SGCZ: variants seen among roughly 807,000 people sequenced by gnomAD.
SGCZ encodes the protein sarcoglycan zeta.
A neutral mutation model predicts 41.3 loss-of-function variants in SGCZ; 40 were observed. The ratio of observed to expected loss-of-function variants is 0.97; its 90% CI spans 0.75 to 1.26. SGCZ has a LOEUF of 1.26. Among genes scored for constraint, SGCZ ranks in the 50% most tolerant of loss-of-function variants. The pLI is 0.00. For synonymous variants in SGCZ, 206 were observed against 137.5 expected, an observed-to-expected ratio of 1.50 and a Z score of -3.49; for missense variants, 552 against 369.8, an observed-to-expected ratio of 1.49 and a Z score of -4.04.
At chr8:14,977,415 C>T (rs1162497712) in intron 1 of SGCZ, among the ~76,000 whole-genome samples, 1 of 152,184 alleles carries the variant, frequency 6.6e-6, no homozygotes, top group Non-Finnish European at 1.5e-5. Flanking sequence ...TGCTGAAAAA[C>T]ATTACTTTAT....
chr8:14,527,378 T>C (rs550631347), intron 2 of SGCZ, among the ~76,000 whole-genome samples: 20 of 152,290 alleles, frequency 1.3e-4, no homozygotes, highest in South Asian at 6.2e-4. Flanking sequence ...TATGGCTCAC[T>C]GCAACCTCAA....
At chr8:14,728,219 G>C (rs1273717156) in intron 1 of SGCZ, among the ~76,000 whole-genome samples, 2 of 151,960 alleles carry the variant, frequency 1.3e-5, no homozygotes, top group Non-Finnish European at 2.9e-5. Context: ...TTTTTAATTT[G>C]TGATAATTTT....
intron 1 of SGCZ, among the ~76,000 whole-genome samples, chr8:14,702,834 TAGATAGATA>T (rs1305461998): frequency 0.031 from 3,351 of 108,486 alleles, 97 homozygotes; most frequent in Non-Finnish European, 0.042. Context: ...GATAGATAGA[TAGATAGATA>T]GATAGATAGA....
intron 1 of SGCZ, among the ~76,000 whole-genome samples, chr8:14,749,465 G>A (rs573786298): frequency 6.6e-6 from 1 of 152,162 alleles, no homozygotes; most frequent in African/African-American, 2.4e-5. Flanking sequence ...ACTACATCAT[G>A]TAATATAATA....
At chr8:14,388,845 A>G (rs1024864928) in intron 2 of SGCZ, among the ~76,000 whole-genome samples, 1 of 151,972 alleles carries the variant, frequency 6.6e-6, no homozygotes, top group African/African-American at 2.4e-5. Context: ...AAAAGAAAAA[A>G]AAAAAGAAAA....
chr8:14,823,055 T>TAAAAAAAAAAAAAA lies in SGCZ; in HGVS notation c.40-268143_40-268130dup, dbSNP rs34307530. On this transcript the variant is annotated intron_variant, in intron 1 of 7. Transcript: ENST00000382080. ...GGCAATGAAGCCACACCAATCCTCA[T>TAAAAAAAAAAAAAA]AAAAAAAAAAAAAAAAAAAAAAGAC... is the stretch of plus-strand genomic sequence containing the variant. Among the ~76,000 whole-genome samples, 309 of 75,454 alleles carry TAAAAAAAAAAAAAA rather than the reference T, an allele frequency of 4.1e-3. 8 individuals carry two copies. The highest frequency in any genetic ancestry group is 8.5e-3 in the East Asian group (18 of 2,114). The allele number at this position is 75,454 out of a possible 152,430, so 49.5% of individuals were successfully genotyped here.
chr8:15,229,977 C>T (rs1166148388), intron 1 of SGCZ, among the ~76,000 whole-genome samples: 1 of 152,100 alleles, frequency 6.6e-6, no homozygotes, highest in African/African-American at 2.4e-5. Context: ...TGCATGCCTC[C>T]AGCAAAGACA....
chr8:14,676,881 G>A (rs1179869284), intron 1 of SGCZ, among the ~76,000 whole-genome samples: 1 of 152,062 alleles, frequency 6.6e-6, no homozygotes, highest in African/African-American at 2.4e-5. Flanking sequence ...GAAACTACCA[G>A]ATTTACTGCA....
intron 1 of SGCZ, among the ~76,000 whole-genome samples, chr8:15,054,104 T>G (rs1291502280): frequency 6.6e-6 from 1 of 152,196 alleles, no homozygotes; most frequent in Non-Finnish European, 1.5e-5. Flanking sequence ...AAAATGACAT[T>G]GCCCATACAT....
At chr8:14,512,059 TCCATCA>T (rs1474594859) in intron 2 of SGCZ, among the ~76,000 whole-genome samples, 1 of 152,104 alleles carries the variant, frequency 6.6e-6, no homozygotes, top group Non-Finnish European at 1.5e-5. Flanking sequence ...CTATCAAATA[TCCATCA>T]CCACAGTAAT....
intron 1 of SGCZ, among the ~76,000 whole-genome samples, chr8:14,790,570 G>C (rs917095635): frequency 6.6e-6 from 1 of 152,000 alleles, no homozygotes; most frequent in African/African-American, 2.4e-5. Context: ...TAATAACTAA[G>C]TAACTACATA....
chr8:14,825,158 C>T (rs1031075812), intron 1 of SGCZ, among the ~76,000 whole-genome samples: 4 of 152,134 alleles, frequency 2.6e-5, no homozygotes, highest in East Asian at 1.9e-4. Flanking sequence ...TTTCATGGAG[C>T]GCTGTGAATT....
At chr8:15,100,475 T>G (rs945997642) in intron 1 of SGCZ, among the ~76,000 whole-genome samples, 4 of 152,194 alleles carry the variant, frequency 2.6e-5, no homozygotes, top group African/African-American at 9.6e-5. Flanking sequence ...AATAGAGAGT[T>G]AATCCATGTT....
At chr8:14,292,041 T>C (rs1003479907) in intron 3 of SGCZ, among the ~76,000 whole-genome samples, 1 of 152,032 alleles carries the variant, frequency 6.6e-6, no homozygotes, top group African/African-American at 2.4e-5. Context: ...GGCAATGTAA[T>C]AGGTGGAAGC....
intron 1 of SGCZ, 71 bp from the exon 2 acceptor site, chr8:14,554,997 T>G: frequency 7.2e-7 from 1 of 1,380,800 alleles, no homozygotes; most frequent in Non-Finnish European, 9.8e-7. Flanking sequence ...AAACCCATGA[T>G]TTTTTTGAAA....
intron 5 of SGCZ, among the ~76,000 whole-genome samples, chr8:14,119,635 C>A (rs998055347): frequency 1.2e-4 from 19 of 152,084 alleles, no homozygotes; most frequent in Non-Finnish European, 1.5e-4. Context: ...TTGTCTTATG[C>A]CAGTTTTTGA....
chr8:14,378,403 G>A lies in SGCZ; in HGVS notation c.235-54199C>T, dbSNP rs535533679. 5.3e-5 allele frequency among the ~76,000 whole-genome samples: 8 copies of A among 152,184 alleles called. 1 individual carries two copies. The highest frequency in any genetic ancestry group is 5.2e-4 in the Admixed American group (8 of 15,270). On this transcript the variant is annotated intron_variant, in intron 2 of 7. Transcript: ENST00000382080. ...TCATGTCTAAAACACCAAAAGCAAT[G>A]GCAACAAAAGCCACAATTGACAAAT...
chr8:14,660,520 A>G (rs953566575), intron 1 of SGCZ, among the ~76,000 whole-genome samples: 2 of 149,036 alleles, frequency 1.3e-5, no homozygotes, highest in African/African-American at 5.0e-5. Context: ...TCAGTGAGCC[A>G]ACATTCAGCC....
At chr8:14,168,763 G>T (rs1804286093) in intron 4 of SGCZ, among the ~76,000 whole-genome samples, 1 of 152,098 alleles carries the variant, frequency 6.6e-6, no homozygotes, top group Admixed American at 6.6e-5. Flanking sequence ...AACTCATTGT[G>T]CAACATTTGC....
Sources: gnomAD v4.1 joint callset for allele counts (sites outside exome capture counted in the v4.1 genomes callset) on GRCh38, gnomAD v4.1.1 for gene constraint, MANE v1.5 for transcripts, NCBI Gene and HGNC (gene_info 2026-07-23, HGNC 2026-07-21) for gene names.